Variants in MGA observed in about 807,000 individuals in gnomAD.
MGA encodes the protein MAX gene-associated protein.
MGA carries 40 observed loss-of-function variants against 261.1 expected under a neutral mutation model. The ratio of observed to expected loss-of-function variants is 0.15; its 90% CI spans 0.12 to 0.20. The LOEUF (loss-of-function observed/expected upper bound fraction) is 0.20. Among genes scored for constraint, MGA ranks in the 10% least tolerant of loss-of-function variants. The pLI is 1.00. For missense variants in MGA, 3,397 were observed against 3,630.5 expected (o/e 0.94, Z 1.65); for synonymous variants, 1,302 against 1,290.6 (o/e 1.01, Z -0.19).
intron 2 of MGA, chr15:41,684,593 C>A (rs2058848841): frequency 1.0e-5 from 3 of 296,824 alleles, no homozygotes; most frequent in South Asian, 9.1e-5. Flanking sequence ...GCAGTTATTG[C>A]AGTAGCAGCC....
chr15:41,706,218 C>T (rs1438880553), intron 5 of MGA, among the ~76,000 whole-genome samples: 1 of 136,000 alleles, frequency 7.4e-6, no homozygotes, highest in African/African-American at 2.8e-5. Flanking sequence ...GTCTGGGCAA[C>T]AGAGTGAGAC....
intron 9 of MGA, among the ~76,000 whole-genome samples, chr15:41,717,199 T>G (rs1407953296): frequency 2.6e-5 from 4 of 152,186 alleles, no homozygotes; most frequent in African/African-American, 9.7e-5. Context: ...TAGACCCCAG[T>G]GGCCTTTACT....
chr15:41,704,646 A>C (rs569229956), intron 5 of MGA, among the ~76,000 whole-genome samples: 221 of 152,352 alleles, frequency 1.5e-3, no homozygotes, highest in Middle Eastern at 6.8e-3. Flanking sequence ...TGACAGAGCA[A>C]GACTCCGTCT....
rs780530217 is a variant in MGA at position 41,750,533 on chromosome 15, A to G, written c.6926A>G (p.Asn2309Ser). The change falls in exon 17 of 24, where the codon AAT becomes AGT. Residue 2309 changes from asparagine (N) to serine (S), a missense_variant. This residue lies in a region of MGA where 1,410 missense variants were observed against 1,386.4 expected (regional missense o/e 1.02). Coordinates refer to ENST00000219905, the MANE Select transcript of MGA (RefSeq NM_001164273.2). ...TTGGAAGAAGATGATGAAGATGATA[A>G]TGAGAAAACTGATGATTCTATTGAT... is the stretch of plus-strand genomic sequence containing the variant. 1 of 1,613,286 alleles carries G rather than the reference A, an allele frequency of 6.2e-7. No individual in the cohort carries two copies.
chr15:41,677,588 T>G (rs929335952), intron 2 of MGA, among the ~76,000 whole-genome samples: 1 of 152,244 alleles, frequency 6.6e-6, no homozygotes, highest in Non-Finnish European at 1.5e-5. Context: ...TGTTCTAATT[T>G]CTGCTTATCC....
chr15:41,706,325 T>C (rs2060110714), intron 5 of MGA, among the ~76,000 whole-genome samples: 1 of 148,936 alleles, frequency 6.7e-6, no homozygotes, highest in Non-Finnish European at 1.5e-5. Context: ...AAAATAGCTG[T>C]CTTTTTTTTT....
chr15:41,721,860 A>G (rs754952088), intron 9 of MGA, among the ~76,000 whole-genome samples: 3 of 152,224 alleles, frequency 2.0e-5, no homozygotes, highest in Non-Finnish European at 2.9e-5. Flanking sequence ...CAGAGTAACA[A>G]GCAGAACTGT....
At chr15:41,685,412 A>AC (rs1168522887) in intron 2 of MGA, among the ~76,000 whole-genome samples, 1 of 151,504 alleles carries the variant, frequency 6.6e-6, no homozygotes, top group Non-Finnish European at 1.5e-5. Flanking sequence ...AAGCCTTTGA[A>AC]CCCCCCATTA....
At chr15:41,648,250 C>T (rs774761531) in intron 1 of MGA, among the ~76,000 whole-genome samples, 30 of 152,204 alleles carry the variant, frequency 2.0e-4, no homozygotes, top group Non-Finnish European at 3.2e-4. Context: ...AACTTTGGAG[C>T]CAGAGTGTCT....
intron 1 of MGA, among the ~76,000 whole-genome samples, chr15:41,634,948 G>A (rs967990819): frequency 1.3e-5 from 2 of 152,294 alleles, no homozygotes; most frequent in African/African-American, 4.8e-5. Flanking sequence ...TTTTGCAGTG[G>A]TGATGAGAAT....
chr15:41,684,525 A>T (rs1296484509), intron 2 of MGA: 1 of 367,080 alleles, frequency 2.7e-6, no homozygotes, highest in African/African-American at 2.1e-5. Flanking sequence ...AAATAGAAGA[A>T]ATCCTTTCTG....
chr15:41,655,355 T>C (rs2057144494), intron 1 of MGA, among the ~76,000 whole-genome samples: 1 of 151,844 alleles, frequency 6.6e-6, no homozygotes. Context: ...ATTTTTGTAT[T>C]TTTAGTGGAG....
chr15:41,655,544 CT>C (rs911420386), upstream of MGA, among the ~76,000 whole-genome samples: 4 of 151,858 alleles, frequency 2.6e-5, no homozygotes, highest in African/African-American at 9.7e-5. Flanking sequence ...AATAGTTATA[CT>C]TTTTTTTATT....
intron 1 of MGA, among the ~76,000 whole-genome samples, chr15:41,661,484 A>C (rs1221428718): frequency 2.0e-5 from 3 of 152,044 alleles, no homozygotes; most frequent in African/African-American, 7.2e-5. Context: ...TTGCCTTTCG[A>C]ACCCTGGGAA....
chr15:41,746,971 C>T (rs201646116), intron 15 of MGA, among the ~76,000 whole-genome samples: 1 of 1,606 alleles, frequency 6.2e-4, no homozygotes. Flanking sequence ...TCTCTTTGAT[C>T]TAAAAAAAAA....
rs766262945 is a variant in MGA, at chr15:41,767,583, C to G, written c.*303C>G. On this transcript the variant is annotated 3_prime_UTR_variant, in exon 24 of 24. Transcript: ENST00000219905. Reference sequence around the variant, plus strand: ...TACCCAAGGAATTTATAACATGACTCTGGCTCCACAGTGGTTTCTAGTTCT... The same window carrying G: ...TACCCAAGGAATTTATAACATGACTGTGGCTCCACAGTGGTTTCTAGTTCT... 21 of 354,380 alleles carry G rather than the reference C, an allele frequency of 5.9e-5. No individual in the cohort carries two copies. Among genetic ancestry groups the G allele is most frequent in the Middle Eastern group, 7.9e-4 (1 of 1,272 alleles). The allele number at this position is 354,380 out of a possible 1,614,324, so 22.0% of individuals were successfully genotyped here.
chr15:41,728,237 A>G (rs960943126), intron 10 of MGA, among the ~76,000 whole-genome samples: 2 of 152,178 alleles, frequency 1.3e-5, no homozygotes, highest in African/African-American at 4.8e-5. Context: ...AGGCTGAGGC[A>G]GGAGAATCAC....
intron 9 of MGA, among the ~76,000 whole-genome samples, chr15:41,714,427 T>G (rs1319128260): frequency 6.6e-6 from 1 of 152,242 alleles, no homozygotes; most frequent in African/African-American, 2.4e-5. Flanking sequence ...GTGGAATTGC[T>G]GTGACAGTGT....
chr15:41,656,357 TCTCTCTCTC>T (rs2057185609), upstream of MGA, among the ~76,000 whole-genome samples: 1 of 126,534 alleles, frequency 7.9e-6, no homozygotes, highest in Admixed American at 8.1e-5. Context: ...TCTCTCTCTC[TCTCTCTCTC>T]TCTCTCTCTC....
Sources: gnomAD v4.1 joint callset for allele counts (sites outside exome capture counted in the v4.1 genomes callset) on GRCh38, gnomAD v4.1.1 for gene constraint, gnomAD v4.1.1 regional missense constraint, MANE v1.5 for transcripts, NCBI Gene and HGNC (gene_info 2026-07-23, HGNC 2026-07-21) for gene names.